POM121L2: variants seen among roughly 807,000 people sequenced by gnomAD.
POM121L2 encodes POM121-like protein 2.
For synonymous variants in POM121L2, 459 were observed against 483.8 expected (o/e 0.95, Z 0.67); for missense variants, 1,167 against 1,260.3 (o/e 0.93, Z 1.12).
chr6:27,309,681 A>ACAC lies in POM121L2; in HGVS notation c.2487_2489dup (p.Gly829_Cys830insTrp). The ACAC allele has an allele frequency of 6.4e-7, 1 of 1,551,714 alleles. No homozygotes were observed. Among genetic ancestry groups the ACAC allele is most frequent in the Non-Finnish European group, 8.7e-7 (1 of 1,147,012 alleles). ...GAGAGGTGGAGGCTGAGGGTGTCAA[A>ACAC]CACCCCAAGGCTGACTGTGTGGTAC... On this transcript the variant is annotated inframe_insertion, in exon 1 of 1. Transcript: ENST00000444565.
Position 27,309,857 on chromosome 6 carries a change from G to A in POM121L2, c.2314C>T (p.Pro772Ser). 2 of 1,551,768 alleles carry A rather than the reference G, an allele frequency of 1.3e-6. No individual in the cohort carries two copies. Among genetic ancestry groups the A allele is most frequent in the South Asian group, 1.2e-5 (1 of 84,062 alleles). The change falls in exon 1 of 1, where the codon CCC becomes TCC. Residue 772 changes from proline (P) to serine (S), a missense_variant. Transcript: ENST00000444565. The stretch of plus-strand genomic sequence containing the variant: ...TTTGTGGCACCAAATGCAGGCTGGG[G>A]ATTAGCTCCTTGGGATAGTGGGAAA... ...PPFPLSQGAN[P>S]QPAFGATNGQ...
Position 27,310,234 on chromosome 6 carries a change from A to G in POM121L2, c.1937T>C (p.Val646Ala), listed in dbSNP as rs1581499527. 6.4e-7 allele frequency: 1 copy of G among 1,552,378 alleles called. No individual in the cohort carries two copies. The highest frequency in any genetic ancestry group is 1.4e-5 in the African/African-American group (1 of 73,186). Residue 646 changes from valine to alanine, a missense_variant, in exon 1 of 1, where the codon GTG becomes GCG. Transcript: ENST00000444565. ...GTTGCCTACGGCACTGGTGACATTC[A>G]CTACACCAAAATCCAAAGGTGGCTT... ...VFKPPLDFGV[V>A]NVTSAVGNTY...
chr6:27,308,922 A>G lies in POM121L2; in HGVS notation c.*141T>C. 1 of 711,042 alleles carries G rather than the reference A, an allele frequency of 1.4e-6. No individual in the cohort carries two copies. The highest frequency in any genetic ancestry group is 2.3e-6 in the Non-Finnish European group (1 of 433,974). 44.0% of individuals were successfully genotyped at this position (711,042 alleles called of 1,614,324 possible). On this transcript the variant is annotated 3_prime_UTR_variant, in exon 1 of 1. Transcript: ENST00000444565. ...AGTCCTTCACTTTCGTCAAGGATGT[A>G]GATTAGGACACACAGTGTGAACATC...
At position 27,311,931 on chromosome 6, in the gene POM121L2, G is replaced by A. The variant is rs1760752849; in HGVS notation, c.240C>T (p.Pro80=). 2 of 1,551,582 alleles carry A rather than the reference G, an allele frequency of 1.3e-6. No individual in the cohort carries two copies. Among genetic ancestry groups the A allele is most frequent in the Non-Finnish European group, 1.7e-6 (2 of 1,147,000 alleles). Residue 80 remains proline (P), a synonymous_variant, in exon 1 of 1, where the codon CCC becomes CCT. Coordinates refer to ENST00000444565, the MANE Select transcript of POM121L2 (RefSeq NM_033482.4). ...GGGGGGAATTCTGGGACTTCTTCAT[G>A]GGAAAGCGCCTCCAGGCCTCGTTGG... ...WLANEAWRRF[P]MKKSQNSPLG... is the part of the protein sequence containing the mutation.
At position 27,310,188 on chromosome 6, in the gene POM121L2, A is replaced by G; in HGVS notation, c.1983T>C (p.Thr661=). 1.9e-6 allele frequency: 3 copies of G among 1,552,228 alleles called. No individual in the cohort carries two copies. The East Asian group carries it at 7.3e-5, about 38-fold the overall frequency. ...CAGTCCCAAGCAGGAAAGTGTCGCA[A>G]GTGGAAGGGACAGAATAAGTGTTGC... ...AVGNTYSVPS[T]CDTFLLGTAQ... is the part of the protein sequence containing the mutation. The change falls in exon 1 of 1, where the codon ACT becomes ACC. Residue 661 remains threonine (T), a synonymous_variant. Coordinates refer to ENST00000444565, the MANE Select transcript of POM121L2 (RefSeq NM_033482.4).
chr6:27,311,383 CAAGAGCTGT>C lies in POM121L2; in HGVS notation c.779_787del (p.Tyr260_Ser262del), dbSNP rs1412735117. 33 of 1,551,630 alleles carry C rather than the reference CAAGAGCTGT, an allele frequency of 2.1e-5. No homozygotes were observed. The highest frequency in any genetic ancestry group is 2.9e-5 in the Non-Finnish European group (33 of 1,147,018). On this transcript the variant is annotated inframe_deletion, in exon 1 of 1. Coordinates refer to ENST00000444565, the MANE Select transcript of POM121L2 (RefSeq NM_033482.4). ...CTTCCAAGGGTCTGAGAAATTTCTG[CAAGAGCTGT>C]AAGAGCTGCCAATAGCATTCCTTTT...
chr6:27,309,552 T>A lies in POM121L2; in HGVS notation c.2619A>T (p.Gln873His). 6.4e-7 allele frequency: 1 copy of A among 1,552,036 alleles called. No homozygotes were observed. Among genetic ancestry groups the A allele is most frequent in the Non-Finnish European group, 8.7e-7 (1 of 1,147,076 alleles). The change falls in exon 1 of 1, where the codon CAA becomes CAT. Residue 873 changes from glutamine (Q) to histidine (H), a missense_variant. Physicochemically the swap from Gln to His is conservative, Grantham distance 24. Coordinates refer to ENST00000444565, the MANE Select transcript of POM121L2 (RefSeq NM_033482.4). ...TGFRIVIQTH[Q>H]SGAFGSVFGS... ...CAAACACTGAGCCAAAAGCCCCACT[T>A]TGGTGGGTCTGAATTACAATTCTAA... is the stretch of plus-strand genomic sequence containing the variant.
chr6:27,309,937 A>T lies in POM121L2; in HGVS notation c.2234T>A (p.Ile745Asn), dbSNP rs61736082. ...TGTGATTGCTGGAGTCAGGTTGGAGATGCTGGGGGTTGATGCAAGCCAGTT... is the reference window on the plus strand; with the variant it reads ...TGTGATTGCTGGAGTCAGGTTGGAGTTGCTGGGGGTTGATGCAAGCCAGTT... ...STNWLASTPS[I>N]SNLTPAITSP... Residue 745 changes from isoleucine to asparagine, a missense_variant, in exon 1 of 1, where the codon ATC (isoleucine) becomes AAC (asparagine). Physicochemically the swap from Ile to Asn is moderately radical, Grantham distance 149. Transcript: ENST00000444565. 0.012 allele frequency: 18,116 copies of T among 1,551,682 alleles called. 426 individuals carry two copies. The highest frequency in any genetic ancestry group is 0.094 in the African/African-American group (6,879 of 73,112).
Position 27,310,207 on chromosome 6 carries a change from G to C in POM121L2, c.1964C>G (p.Thr655Ser), listed in dbSNP as rs1189937691. The change falls in exon 1 of 1, where the codon ACT becomes AGT. Residue 655 changes from threonine to serine, a missense_variant. Coordinates refer to ENST00000444565, the MANE Select transcript of POM121L2 (RefSeq NM_033482.4). ...VVNVTSAVGN[T>S]YSVPSTCDTF... ...GTCGCAAGTGGAAGGGACAGAATAA[G>C]TGTTGCCTACGGCACTGGTGACATT... The C allele has an allele frequency of 2.6e-6, 4 of 1,552,164 alleles. No individual in the cohort carries two copies. The highest frequency in any genetic ancestry group is 3.9e-5 in the Admixed American group (2 of 50,998).
At position 27,309,500 on chromosome 6, in the gene POM121L2, A is replaced by C; in HGVS notation, c.2671T>G (p.Phe891Val). ...TCCATAGGGGTCACGAATCCCCCAA[A>C]AGTGAAAGGTTGTGGAGCTCTGCTG... ...FGSRAPQPFT[F>V]GGFVTPMDCD... is the part of the protein sequence containing the mutation. Residue 891 changes from phenylalanine (F) to valine (V), a missense_variant, in exon 1 of 1, where the codon TTT becomes GTT. Transcript: ENST00000444565. 1 of 1,551,992 alleles carries C rather than the reference A, an allele frequency of 6.4e-7. No homozygotes were observed. Among genetic ancestry groups the C allele is most frequent in the South Asian group, 1.2e-5 (1 of 84,064 alleles).
Position 27,308,963 on chromosome 6 carries a change from A to G in POM121L2, c.*100T>C. 2.3e-6 allele frequency: 2 copies of G among 881,424 alleles called. No individual in the cohort carries two copies. Among genetic ancestry groups the G allele is most frequent in the Non-Finnish European group, 3.4e-6 (2 of 580,660 alleles). 54.6% of individuals were successfully genotyped at this position (881,424 alleles called of 1,614,324 possible). ...TGTGAACATCTAAAGCTCCAGTTTT[A>G]GATCTGGAGTATGTTTACTTTAGAA... On this transcript the variant is annotated 3_prime_UTR_variant, in exon 1 of 1. Transcript: ENST00000444565.
At position 27,310,179 on chromosome 6, in the gene POM121L2, A is replaced by G. The variant is rs1288866285; in HGVS notation, c.1992T>C (p.Thr664=). Reference sequence around the variant, plus strand: ...AGGCCTGAGCAGTCCCAAGCAGGAAAGTGTCGCAAGTGGAAGGGACAGAAT... The same window carrying G: ...AGGCCTGAGCAGTCCCAAGCAGGAAGGTGTCGCAAGTGGAAGGGACAGAAT... ...NTYSVPSTCD[T]FLLGTAQAFR... is the part of the protein sequence containing the mutation. The change falls in exon 1 of 1, where the codon ACT becomes ACC. Residue 664 remains threonine, a synonymous_variant. Transcript: ENST00000444565. 1 of 1,552,120 alleles carries G rather than the reference A, an allele frequency of 6.4e-7. No homozygotes were observed. Among genetic ancestry groups the G allele is most frequent in the Non-Finnish European group, 8.7e-7 (1 of 1,147,088 alleles).
In POM121L2 at chr6:27,310,203, A is replaced by G; in HGVS notation, c.1968T>C (p.Tyr656=). Residue 656 remains tyrosine (Y), a synonymous_variant, in exon 1 of 1, where the codon TAT becomes TAC. Coordinates refer to ENST00000444565, the MANE Select transcript of POM121L2 (RefSeq NM_033482.4). Reference sequence around the variant, plus strand: ...AAGTGTCGCAAGTGGAAGGGACAGAATAAGTGTTGCCTACGGCACTGGTGA... The same window carrying G: ...AAGTGTCGCAAGTGGAAGGGACAGAGTAAGTGTTGCCTACGGCACTGGTGA... ...VNVTSAVGNT[Y]SVPSTCDTFL... 6.4e-7 allele frequency: 1 copy of G among 1,552,276 alleles called. No homozygotes were observed. The highest frequency in any genetic ancestry group is 8.7e-7 in the Non-Finnish European group (1 of 1,147,126).
At position 27,312,108 on chromosome 6, in the gene POM121L2, G is replaced by C. The variant is rs1435170608; in HGVS notation, c.63C>G (p.Asp21Glu). 6.8e-7 allele frequency: 1 copy of C among 1,475,898 alleles called. No homozygotes were observed. Among genetic ancestry groups the C allele is most frequent in the African/African-American group, 1.4e-5 (1 of 70,846 alleles). The allele number at this position is 1,475,898 out of a possible 1,614,324, so 91.4% of individuals were successfully genotyped here. ...GGCGTTTCGTGGGCCTCTCGGGCAA[G>C]TCGGTGCGCACCTGGGCTGGGGACG... is the stretch of plus-strand genomic sequence containing the variant. ...SPSSPAQVRT[D>E]LPERPTKRRP... is the part of the protein sequence containing the mutation. The change falls in exon 1 of 1, where the codon GAC becomes GAG. Residue 21 changes from aspartate to glutamate, a missense_variant. Physicochemically the swap from Asp to Glu is conservative, Grantham distance 45. Coordinates refer to ENST00000444565, the MANE Select transcript of POM121L2 (RefSeq NM_033482.4). The surrounding 1 kb of genome is among the most constrained non-coding windows in gnomAD (Gnocchi z 6.7).
chr6:27,309,656 G>C lies in POM121L2; in HGVS notation c.2515C>G (p.Gln839Glu), dbSNP rs760789295. 1.9e-6 allele frequency: 3 copies of C among 1,551,714 alleles called. No homozygotes were observed. The highest frequency in any genetic ancestry group is 1.2e-5 in the South Asian group (1 of 84,064). The change falls in exon 1 of 1, where the codon CAA (glutamine) becomes GAA (glutamate). Residue 839 changes from glutamine (Q) to glutamate (E), a missense_variant. Coordinates refer to ENST00000444565, the MANE Select transcript of POM121L2 (RefSeq NM_033482.4). Reference sequence around the variant, plus strand: ...CCTGACCAGGTGCTGGCAGGGGTTTGAGAGGTGGAGGCTGAGGGTGTCAAA... The same window carrying C: ...CCTGACCAGGTGCTGGCAGGGGTTTCAGAGGTGGAGGCTGAGGGTGTCAAA... ...GCLTPSASTS[Q>E]TPASTWSGIG...
rs2113597645 is a variant in POM121L2 at position 27,310,837 on chromosome 6, C to A, written c.1334G>T (p.Gly445Val). Reference protein sequence around the residue: ...LKTPSLPTPPGCSQSELLPGT... With the variant: ...LKTPSLPTPPVCSQSELLPGT... Reference sequence around the variant, plus strand: ...TGGAAGGAGCTCTGACTGTGAGCACCCAGGTGGGGTCGGTAGGCTGGGTGT... The same window carrying A: ...TGGAAGGAGCTCTGACTGTGAGCACACAGGTGGGGTCGGTAGGCTGGGTGT... The change falls in exon 1 of 1, where the codon GGG becomes GTG. Residue 445 changes from glycine to valine, a missense_variant. Transcript: ENST00000444565. 2.6e-6 allele frequency: 4 copies of A among 1,551,508 alleles called. No homozygotes were observed. In the African/African-American group the frequency reaches 4.1e-5, roughly 16 times the overall value.
Position 27,309,719 on chromosome 6 carries a change from G to A in POM121L2, c.2452C>T (p.Pro818Ser). The stretch of plus-strand genomic sequence containing the variant: ...GACTGTGTGGTACTAATGAAGGCTG[G>A]CTGAGCTGGAGTTGGCATGGGGGTT... Reference protein sequence around the residue: ...LPTPMPTPAQPAFISTTQSAL... With the variant: ...LPTPMPTPAQSAFISTTQSAL... Residue 818 changes from proline (P) to serine (S), a missense_variant, in exon 1 of 1, where the codon CCA (proline) becomes TCA (serine). Physicochemically the swap from Pro to Ser is moderately conservative, Grantham distance 74. Transcript: ENST00000444565. 6.4e-7 allele frequency: 1 copy of A among 1,551,738 alleles called. No individual in the cohort carries two copies. Among genetic ancestry groups the A allele is most frequent in the Middle Eastern group, 1.7e-4 (1 of 5,990 alleles).
Position 27,311,039 on chromosome 6 carries a change from T to C in POM121L2, c.1132A>G (p.Thr378Ala). The C allele has an allele frequency of 6.4e-7, 1 of 1,551,974 alleles. No homozygotes were observed. Among genetic ancestry groups the C allele is most frequent in the South Asian group, 1.2e-5 (1 of 84,066 alleles). ...AAGGAAGGCTGAATAGCAAGCCAAG[T>C]CTCAGGGAAAGGGTCTGTGTTGACC... ...TEVNTDPFPE[T>A]WLAIQPSLSL... is the part of the protein sequence containing the mutation. Residue 378 changes from threonine to alanine, a missense_variant, in exon 1 of 1, where the codon ACT (threonine) becomes GCT (alanine). Coordinates refer to ENST00000444565, the MANE Select transcript of POM121L2 (RefSeq NM_033482.4).
chr6:27,309,262 G>C lies in POM121L2; in HGVS notation c.2909C>G (p.Ala970Gly). 6.4e-7 allele frequency: 1 copy of C among 1,551,786 alleles called. No homozygotes were observed. The highest frequency in any genetic ancestry group is 8.7e-7 in the Non-Finnish European group (1 of 1,146,992). The change falls in exon 1 of 1, where the codon GCT (alanine) becomes GGT (glycine). Residue 970 changes from alanine (A) to glycine (G), a missense_variant. Coordinates refer to ENST00000444565, the MANE Select transcript of POM121L2 (RefSeq NM_033482.4). ...ISARKTMAPI[A>G]QNTPVPGQAK... ...TTGTCCAGGGACTGGGGTGTTTTGA[G>C]CAATGGGGGCCATAGTCTTTCTTGC...
Sources: gnomAD v4.1 joint callset for allele counts on GRCh38, gnomAD v4.1.1 for gene constraint, Gnocchi (gnomAD v3.1) non-coding constraint, MANE v1.5 for transcripts, NCBI Gene and HGNC (gene_info 2026-07-23, HGNC 2026-07-21) for gene names.